NUP210L: variants seen among roughly 807,000 people sequenced by gnomAD.
NUP210L encodes nuclear pore membrane glycoprotein 210-like.
NUP210L carries 74 observed loss-of-function variants against 208.5 expected under a neutral mutation model. That is an observed-to-expected ratio of 0.35 (90% CI 0.29 to 0.43). NUP210L has a LOEUF of 0.43. Among genes scored for constraint, NUP210L ranks in the 20% least tolerant of loss-of-function variants. The probability of loss-of-function intolerance (pLI) is 1.00; values close to 1 mark genes in which losing one functional copy is unlikely to be tolerated. For synonymous variants in NUP210L, 780 were observed against 816.9 expected, an observed-to-expected ratio of 0.95 and a Z score of 0.77; for missense variants, 1,843 against 2,289.4, an observed-to-expected ratio of 0.81 and a Z score of 3.98.
intron 33 of NUP210L, among the ~76,000 whole-genome samples, chr1:154,017,300 G>A (rs577977078): frequency 1.3e-5 from 2 of 151,496 alleles, no homozygotes; most frequent in Non-Finnish European, 2.9e-5. Context: ...AAAAAAAAGG[G>A]GGGGGCTCAG....
In NUP210L at chr1:154,046,494, T is replaced by A. The variant is rs1459406620; in HGVS notation, c.3484-125A>T. On this transcript the variant is annotated intron_variant, in intron 25 of 39. Coordinates refer to ENST00000368559, the Ensembl canonical transcript of NUP210L. ...CAGTAAAAAACCTTGCCCATGCTTA[T>A]TGCAGCACTATTCACAATAGCCAAT... is the stretch of plus-strand genomic sequence containing the variant. 5.3e-6 allele frequency: 4 copies of A among 760,102 alleles called. No individual in the cohort carries two copies. The East Asian group carries it at 1.1e-4, about 20-fold the overall frequency. 47.1% of individuals were successfully genotyped at this position (760,102 alleles called of 1,614,324 possible).
At chr1:154,150,431 A>G (rs148415157) in intron 2 of NUP210L, among the ~76,000 whole-genome samples, 5 of 151,906 alleles carry the variant, frequency 3.3e-5, no homozygotes, top group Non-Finnish European at 7.4e-5. Flanking sequence ...ACAAAATTTT[A>G]TAATAAGCAC....
At chr1:154,136,744 C>T (rs1658566101) in intron 6 of NUP210L, among the ~76,000 whole-genome samples, 1 of 150,446 alleles carries the variant, frequency 6.6e-6, no homozygotes, top group Non-Finnish European at 1.5e-5. Flanking sequence ...CATGGTGAAA[C>T]CCCATCTCTA....
chr1:154,088,443 C>T (rs906070825), intron 16 of NUP210L, among the ~76,000 whole-genome samples: 1 of 151,996 alleles, frequency 6.6e-6, no homozygotes, highest in Non-Finnish European at 1.5e-5. Context: ...TTGCAACTTG[C>T]CTGTAAATTT....
chr1:154,027,094 A>C (rs1651931104), intron 29 of NUP210L, among the ~76,000 whole-genome samples: 2 of 143,516 alleles, frequency 1.4e-5, no homozygotes, highest in South Asian at 2.2e-4. Context: ...AAAAAAAAAA[A>C]AACAAAAAAA....
intron 30 of NUP210L, among the ~76,000 whole-genome samples, chr1:154,024,822 C>T (rs571780259): frequency 8.1e-5 from 12 of 148,488 alleles, no homozygotes; most frequent in Non-Finnish European, 1.6e-4. Context: ...GTGAGTCACC[C>T]AGCCCAGCCA....
At chr1:154,121,912 C>T (rs1657632796) in intron 10 of NUP210L, among the ~76,000 whole-genome samples, 1 of 151,014 alleles carries the variant, frequency 6.6e-6, no homozygotes, top group South Asian at 2.1e-4. Context: ...AAATTAAATC[C>T]AAACGAAGCA....
intron 18 of NUP210L, among the ~76,000 whole-genome samples, 172 bp downstream of exon 18, chr1:154,061,414 T>A (rs995515996): frequency 6.6e-6 from 1 of 151,642 alleles, no homozygotes; most frequent in African/African-American, 2.4e-5. Context: ...ATAAAGTCAA[T>A]GTCTAATTCT....
intron 25 of NUP210L, 54 bp from the exon 26 acceptor site, chr1:154,046,423 G>C: frequency 1.4e-6 from 2 of 1,396,296 alleles, no homozygotes; most frequent in South Asian, 2.3e-5. Context: ...TCTGTGGGGT[G>C]GACAGAGATG....
intron 7 of NUP210L, among the ~76,000 whole-genome samples, chr1:154,129,875 G>A (rs1658157364): frequency 6.6e-6 from 1 of 152,184 alleles, no homozygotes; most frequent in South Asian, 2.1e-4. Flanking sequence ...TGCCATCAAA[G>A]ATACTTCTGG....
intron 15 of NUP210L, among the ~76,000 whole-genome samples, chr1:154,091,787 C>T (rs1655932533): frequency 6.6e-6 from 1 of 151,608 alleles, no homozygotes; most frequent in African/African-American, 2.4e-5. Context: ...AGGCGTGAGC[C>T]ACTGCGCCCG....
chr1:154,138,112 C>A, exon 6 of NUP210L: 1 of 1,487,190 alleles, frequency 6.7e-7, no homozygotes, highest in Non-Finnish European at 8.9e-7. Flanking sequence ...TTACCTGTCA[C>A]TCTCCCTTGA....
At chr1:154,086,901 T>C (rs1167228834) in intron 16 of NUP210L, among the ~76,000 whole-genome samples, 1 of 151,996 alleles carries the variant, frequency 6.6e-6, no homozygotes, top group Admixed American at 6.6e-5. Flanking sequence ...GTATGTAGAC[T>C]ATATGAAATG....
intron 2 of NUP210L, among the ~76,000 whole-genome samples, chr1:154,148,102 A>G (rs1281081705): frequency 6.6e-6 from 1 of 150,700 alleles, no homozygotes; most frequent in African/African-American, 2.4e-5. Flanking sequence ...CCCTGTCTCT[A>G]TTAAAATACA....
At position 154,089,473 on chromosome 1, in the gene NUP210L, T is replaced by G. The variant is rs768847554; in HGVS notation, c.2309A>C (p.Lys770Thr). ...ACATGGCTGGGCACCAGCTGGCACC[T>G]TGTATACTGGAGTTACTGACATACT... The change falls in exon 16 of 40, where the codon AAG becomes ACG. Residue 770 changes from lysine (K) to threonine (T), a missense_variant. Transcript: ENST00000368559. 1.9e-6 allele frequency: 3 copies of G among 1,614,150 alleles called. No homozygotes were observed. In the South Asian group the frequency reaches 3.3e-5, roughly 18 times the overall value.
chr1:154,153,338 G>C (rs560454920), intron 1 of NUP210L, among the ~76,000 whole-genome samples: 1 of 152,184 alleles, frequency 6.6e-6, no homozygotes, highest in Non-Finnish European at 1.5e-5. Flanking sequence ...TTGAGACCGA[G>C]TCACTTTGTT....
rs529762171 is a variant in NUP210L, at chr1:153,995,646, G to A, written c.5387-466C>T. The stretch of plus-strand genomic sequence containing the variant: ...AGGCACTCAGAATGGTCCAGCGTTT[G>A]ACATACCAACGTAGGCTTTCCTACA... On this transcript the variant is annotated intron_variant, in intron 37 of 39. Coordinates refer to ENST00000368559, the Ensembl canonical transcript of NUP210L. 1.2e-4 allele frequency: 155 copies of A among 1,315,984 alleles called. No individual in the cohort carries two copies. The African/African-American group carries it at 1.9e-3, about 16-fold the overall frequency. The allele number at this position is 1,315,984 out of a possible 1,614,324, so 81.5% of individuals were successfully genotyped here. A position where few individuals can be genotyped will look rare whatever the true frequency, so the allele number is the denominator to read the frequency against.
chr1:154,061,627 C>T, exon 18 of NUP210L: 1 of 1,608,598 alleles, frequency 6.2e-7, no homozygotes, highest in Non-Finnish European at 8.5e-7. Context: ...AAATTGACTC[C>T]AATCAGTACA....
chr1:154,154,692 C>A (rs1571340000), intron 1 of NUP210L, 150 bp downstream of exon 1: 3 of 652,426 alleles, frequency 4.6e-6, no homozygotes, highest in East Asian at 5.4e-5. Flanking sequence ...TCCTCGCCAC[C>A]TTCACTGACA....
Sources: gnomAD v4.1 joint callset for allele counts (sites outside exome capture counted in the v4.1 genomes callset) on GRCh38, gnomAD v4.1.1 for gene constraint, MANE v1.5 for transcripts, NCBI Gene and HGNC (gene_info 2026-07-23, HGNC 2026-07-21) for gene names.